Variants in RNGTT observed in about 807,000 individuals in gnomAD.
RNGTT encodes the protein RNA guanylyltransferase and 5'-phosphatase.
Under a neutral mutation model 79.3 loss-of-function variants are expected in RNGTT, and 33 were observed. The ratio of observed to expected loss-of-function variants is 0.42; its 90% CI spans 0.32 to 0.56. The LOEUF is 0.56. Ranked by LOEUF, RNGTT falls within the 20% of genes least tolerant of loss-of-function variation. The pLI, the probability that RNGTT is intolerant of heterozygous loss-of-function variation, is 0.17. For synonymous variants in RNGTT, 222 were observed against 235.9 expected, an observed-to-expected ratio of 0.94 and a Z score of 0.54; for missense variants, 497 against 739.1, an observed-to-expected ratio of 0.67 and a Z score of 3.80.
rs777673616 is a variant in RNGTT, at chr6:88,640,243, T to C, written c.1507-25848A>G. 4.8e-4 allele frequency among the ~76,000 whole-genome samples: 73 copies of C among 152,188 alleles called. 1 individual carries two copies. The highest frequency in any genetic ancestry group is 3.3e-4 in the Admixed American group (5 of 15,274). The stretch of plus-strand genomic sequence containing the variant: ...ATGCATAACATGTGGTAGGTATTAA[T>C]TAAATGTCATTTATCGAGCAATAAA... On this transcript the variant is annotated intron_variant, in intron 14 of 15. Coordinates refer to ENST00000369485, the MANE Select transcript of RNGTT (RefSeq NM_003800.5).
chr6:88,629,617 T>C (rs368048882), intron 14 of RNGTT, among the ~76,000 whole-genome samples: 119 of 152,210 alleles, frequency 7.8e-4, no homozygotes, highest in Non-Finnish European at 1.4e-3. Flanking sequence ...AAAAACAAAA[T>C]TACGCAGGCA....
intron 1 of RNGTT, among the ~76,000 whole-genome samples, chr6:88,958,118 A>G (rs2127966985): frequency 6.6e-6 from 1 of 152,318 alleles, no homozygotes; most frequent in Non-Finnish European, 1.5e-5. Flanking sequence ...ACAAAAGCAT[A>G]AAGTGGGGAA....
At chr6:88,705,895 G>A (rs2127804445) in intron 13 of RNGTT, among the ~76,000 whole-genome samples, 1 of 152,174 alleles carries the variant, frequency 6.6e-6, no homozygotes. Flanking sequence ...GGGTTGATAT[G>A]TAAAAGAGCC....
chr6:88,904,736 C>A lies in RNGTT; in HGVS notation c.663G>T (p.Arg221Ser), dbSNP rs1397688687. 7 of 1,613,662 alleles carry A rather than the reference C, an allele frequency of 4.3e-6. No individual in the cohort carries two copies. Among genetic ancestry groups the A allele is most frequent in the African/African-American group, 1.3e-5 (1 of 74,862 alleles). Reference sequence around the variant, plus strand: ...TTACCAGTTTTAACCGTTCTTTTCTCCTTTTGCCAAAAGAAGCACTTGACC... The same window carrying A: ...TTACCAGTTTTAACCGTTCTTTTCTACTTTTGCCAAAAGAAGCACTTGACC... ...EPGSSASFGKRRKERLKLGAI... is the reference protein window; with the variant it reads ...EPGSSASFGKSRKERLKLGAI... The change falls in exon 6 of 16, where the codon AGG becomes AGT. Residue 221 changes from arginine to serine, a missense_variant. Arg to Ser is a moderately radical substitution (Grantham distance 110, BLOSUM62 -1). This residue lies in a region of RNGTT where 440 missense variants were observed against 671.5 expected (regional missense o/e 0.66). Transcript: ENST00000369485.
intron 11 of RNGTT, among the ~76,000 whole-genome samples, chr6:88,834,081 T>C (rs1327655885): frequency 6.6e-6 from 1 of 152,158 alleles, no homozygotes; most frequent in Non-Finnish European, 1.5e-5. Flanking sequence ...AATCTACAAA[T>C]AGGTATTTTT....
At chr6:88,731,734 G>T (rs1359341545) in intron 13 of RNGTT, among the ~76,000 whole-genome samples, 1 of 152,088 alleles carries the variant, frequency 6.6e-6, no homozygotes, top group Admixed American at 6.6e-5. Flanking sequence ...CAAGAATACA[G>T]CTGACCTTTG....
intron 14 of RNGTT, among the ~76,000 whole-genome samples, chr6:88,649,388 A>C (rs1426760434): frequency 1.3e-5 from 2 of 152,162 alleles, no homozygotes; most frequent in East Asian, 1.9e-4. Flanking sequence ...AGTGGCCAAA[A>C]TCGAATTAAT....
At chr6:88,690,941 A>G (rs957744774) in intron 13 of RNGTT, among the ~76,000 whole-genome samples, 3 of 152,150 alleles carry the variant, frequency 2.0e-5, no homozygotes, top group African/African-American at 7.2e-5. Context: ...TCAAGTGCCT[A>G]TATATAATAT....
intron 13 of RNGTT, among the ~76,000 whole-genome samples, chr6:88,685,013 GAATATCACTAA>G (rs1775224381): frequency 6.6e-6 from 1 of 152,124 alleles, no homozygotes; most frequent in South Asian, 2.1e-4. Context: ...AAATCTAAAT[GAATATCACTAA>G]GTGAATGAAG....
At position 88,701,608 on chromosome 6, in the gene RNGTT, C is replaced by T. The variant is rs551925050; in HGVS notation, c.1440-23189G>A. Among the ~76,000 whole-genome samples, 8 of 152,004 alleles carry T rather than the reference C, an allele frequency of 5.3e-5. No homozygotes were observed. In the South Asian group the frequency reaches 1.5e-3, roughly 28 times the overall value. On this transcript the variant is annotated intron_variant, in intron 13 of 15. Coordinates refer to ENST00000369485, the MANE Select transcript of RNGTT (RefSeq NM_003800.5). ...TTATATTACATTGCTTTTCTCTCTG[C>T]TATTAATTTAATTTGAATATTCTTT...
At chr6:88,856,585 A>G (rs530087591) in intron 8 of RNGTT, among the ~76,000 whole-genome samples, 3 of 152,352 alleles carry the variant, frequency 2.0e-5, no homozygotes, top group East Asian at 1.9e-4. Context: ...TAGCTTCTGC[A>G]TCTGCAGAAA....
chr6:88,711,720 C>T lies in RNGTT; in HGVS notation c.1440-33301G>A, dbSNP rs551445424. ...AACTGCAAATACATGAACATAGCAA[C>T]CATACTGATAAATACCTACACGGAT... On this transcript the variant is annotated intron_variant, in intron 13 of 15. Coordinates refer to ENST00000369485, the MANE Select transcript of RNGTT (RefSeq NM_003800.5). 2.0e-5 allele frequency among the ~76,000 whole-genome samples: 3 copies of T among 152,258 alleles called. No homozygotes were observed. The South Asian group carries it at 6.2e-4, about 32-fold the overall frequency.
chr6:88,670,136 A>G (rs2127786073), intron 14 of RNGTT, among the ~76,000 whole-genome samples: 1 of 152,342 alleles, frequency 6.6e-6, no homozygotes, highest in East Asian at 1.9e-4. Context: ...TGCTGTCTGC[A>G]TATAGATGAC....
At chr6:88,833,997 G>C (rs1411190260) in intron 11 of RNGTT, among the ~76,000 whole-genome samples, 1 of 152,172 alleles carries the variant, frequency 6.6e-6, no homozygotes, top group African/African-American at 2.4e-5. Flanking sequence ...CTCTGGCCTA[G>C]GCGACAGAGC....
intron 6 of RNGTT, among the ~76,000 whole-genome samples, chr6:88,903,952 A>G (rs1000791724): frequency 6.6e-6 from 1 of 152,190 alleles, no homozygotes; most frequent in Non-Finnish European, 1.5e-5. Flanking sequence ...TATTTCTAGA[A>G]GATTATTAAA....
intron 13 of RNGTT, among the ~76,000 whole-genome samples, chr6:88,726,766 C>T (rs993763440): frequency 4.6e-5 from 7 of 152,110 alleles, no homozygotes; most frequent in African/African-American, 1.7e-4. Context: ...TCAGGAAAGA[C>T]CCATCTATAC....
At chr6:88,865,905 A>C (rs1436633756) in intron 8 of RNGTT, among the ~76,000 whole-genome samples, 3 of 152,170 alleles carry the variant, frequency 2.0e-5, no homozygotes, top group Non-Finnish European at 4.4e-5. Context: ...TCTCATTAAA[A>C]TAAAGATTAG....
chr6:88,663,258 G>C (rs1774257687), intron 14 of RNGTT, among the ~76,000 whole-genome samples: 1 of 152,046 alleles, frequency 6.6e-6, no homozygotes, highest in African/African-American at 2.4e-5. Context: ...GATTCAATGG[G>C]GACTATGGAA....
intron 14 of RNGTT, among the ~76,000 whole-genome samples, chr6:88,674,174 A>G (rs553367939): frequency 6.6e-6 from 1 of 152,336 alleles, no homozygotes; most frequent in African/African-American, 2.4e-5. Context: ...GAACGTTTAG[A>G]TTTAGGTTAA....
Sources: allele counts gnomAD v4.1 joint callset (sites outside exome capture counted in the v4.1 genomes callset), GRCh38; gene constraint gnomAD v4.1.1; regional missense constraint gnomAD v4.1.1; transcripts MANE v1.5; gene names NCBI Gene and HGNC (gene_info 2026-07-23, HGNC 2026-07-21).